The following USP49 variants were observed in gnomAD, a reference collection of about 807,000 sequenced individuals.
USP49 encodes the protein ubiquitin specific peptidase 49, also known as ubiquitin carboxyl-terminal hydrolase 49.
In USP49, 24 loss-of-function variants were observed where a neutral mutation model predicts 58.6. The observed-to-expected ratio is 0.41, with a 90% CI of 0.30 to 0.58. The LOEUF (loss-of-function observed/expected upper bound fraction) is 0.58, where lower values mean the gene tolerates loss of function less well. Ranked by LOEUF, USP49 falls within the 20% of genes least tolerant of loss-of-function variation. USP49 has a pLI of 0.30. For missense variants in USP49, 703 were observed against 866.1 expected (o/e 0.81, Z 2.36); for synonymous variants, 408 against 365.1 (o/e 1.12, Z -1.34).
At position 41,803,429 on chromosome 6, in the gene USP49, G is replaced by A. The variant is rs771488383; in HGVS notation, c.1561+377C>T. Among the ~76,000 whole-genome samples the A allele has an allele frequency of 1.3e-5, 2 of 152,142 alleles. No homozygotes were observed. Among genetic ancestry groups the A allele is most frequent in the Non-Finnish European group, 2.9e-5 (2 of 68,030 alleles). The stretch of plus-strand genomic sequence containing the variant: ...ACCGATTCTCCTGCCTCAGCCTCCC[G>A]AGTAGCTGGGATTACAGGCATCTGC... On this transcript the variant is annotated intron_variant, in intron 5 of 7. Coordinates refer to ENST00000682992, the MANE Select transcript of USP49 (RefSeq NM_001286554.2). The surrounding 1 kb of genome is among the most constrained non-coding windows in gnomAD (Gnocchi z 4.1).
intron 2 of USP49, among the ~76,000 whole-genome samples, chr6:41,891,199 G>A (rs1774805254): frequency 6.6e-6 from 1 of 152,194 alleles, no homozygotes; most frequent in Non-Finnish European, 1.5e-5. Context: ...GCAAGCCAGA[G>A]GCAAAACCAG....
chr6:41,848,445 C>T (rs1773961977), intron 3 of USP49, among the ~76,000 whole-genome samples: 1 of 152,044 alleles, frequency 6.6e-6, no homozygotes, highest in Non-Finnish European at 1.5e-5. Context: ...TGGTTCAGTG[C>T]AGCCTCGACC....
intron 3 of USP49, among the ~76,000 whole-genome samples, chr6:41,821,943 C>T (rs1317125551): frequency 1.3e-5 from 2 of 152,094 alleles, no homozygotes; most frequent in Non-Finnish European, 2.9e-5. Context: ...GCTGGTTTTA[C>T]GAAGCAAAAT....
At chr6:41,889,350 C>T (rs1468543426) in intron 2 of USP49, among the ~76,000 whole-genome samples, 8 of 152,096 alleles carry the variant, frequency 5.3e-5, no homozygotes, top group Admixed American at 5.2e-4. Flanking sequence ...ATTCTTAAAG[C>T]AATACATTTT....
chr6:41,834,070 G>GT (rs1773683617), intron 3 of USP49, among the ~76,000 whole-genome samples: 1 of 152,142 alleles, frequency 6.6e-6, no homozygotes, highest in Non-Finnish European at 1.5e-5. Flanking sequence ...CCCATCACTA[G>GT]GAAGAAATCA....
chr6:41,799,337 G>A (rs1216120922), intron 6 of USP49, among the ~76,000 whole-genome samples: 2 of 152,032 alleles, frequency 1.3e-5, no homozygotes, highest in Non-Finnish European at 2.9e-5. Flanking sequence ...AAACTCCTGA[G>A]CTCAAGCAAT....
At chr6:41,808,243 G>GA (rs548809092) in intron 3 of USP49, among the ~76,000 whole-genome samples, 166 of 150,728 alleles carry the variant, frequency 1.1e-3, no homozygotes, top group African/African-American at 3.6e-3. Flanking sequence ...CGAAACAAAA[G>GA]AAAAAAAAGC....
At chr6:41,872,828 C>G (rs1188651916) in intron 2 of USP49, 2 of 151,112 alleles carry the variant, frequency 1.3e-5, no homozygotes, top group Non-Finnish European at 2.9e-5. Context: ...ATGGCGTGAA[C>G]CCGGGAGACG....
intron 2 of USP49, among the ~76,000 whole-genome samples, chr6:41,872,227 A>G (rs975193500): frequency 1.3e-5 from 2 of 152,266 alleles, no homozygotes; most frequent in Non-Finnish European, 2.9e-5. Flanking sequence ...ACACATTATC[A>G]GGAAGTAGGA....
Position 41,806,405 on chromosome 6 carries a change from T to TTTCACCTCGCGCCGCCGC in USP49, c.561_578dup (p.Arg190_Arg195dup), listed in dbSNP as rs759132544. ...TGGCCAGCTCCTCCAGCAGCCGCCG[T>TTTCACCTCGCGCCGCCGC]TTCACCTCGCGCCGCCGCCTCCGCG... On this transcript the variant is annotated inframe_insertion, in exon 4 of 8. Coordinates refer to ENST00000682992, the MANE Select transcript of USP49 (RefSeq NM_001286554.2). The surrounding 1 kb of genome is among the most constrained non-coding windows in gnomAD (Gnocchi z 5.9). 4 of 1,563,976 alleles carry TTTCACCTCGCGCCGCCGC rather than the reference T, an allele frequency of 2.6e-6. No individual in the cohort carries two copies. The highest frequency in any genetic ancestry group is 3.4e-6 in the Non-Finnish European group (4 of 1,163,624).
chr6:41,852,666 A>T (rs927197552), intron 3 of USP49, among the ~76,000 whole-genome samples: 4 of 152,214 alleles, frequency 2.6e-5, no homozygotes, highest in Non-Finnish European at 4.4e-5. Context: ...CAATATACAG[A>T]TTCGATGCAA....
intron 2 of USP49, among the ~76,000 whole-genome samples, chr6:41,889,528 G>A (rs999178676): frequency 6.6e-6 from 1 of 152,106 alleles, no homozygotes; most frequent in South Asian, 2.1e-4. Context: ...ATCCATGCAT[G>A]AGCACACCAT....
At chr6:41,845,063 G>A (rs935440392) in intron 3 of USP49, among the ~76,000 whole-genome samples, 2 of 152,094 alleles carry the variant, frequency 1.3e-5, no homozygotes, top group South Asian at 4.2e-4. Flanking sequence ...ACTACGCCCG[G>A]CTAATTTTTG....
chr6:41,802,448 A>ATTTTTTTTTTTTTTTTTTTTTTT (rs1363216201), intron 5 of USP49, among the ~76,000 whole-genome samples: 3 of 53,336 alleles, frequency 5.6e-5, no homozygotes, highest in Non-Finnish European at 1.1e-4. Flanking sequence ...TTATTTATTT[A>ATTTTTTTTTTTTTTTTTTTTTTT]TTTATTTATT....
rs138922723 is a variant in USP49, at chr6:41,887,566, G to C, written c.-103+4228C>G. Among the ~76,000 whole-genome samples the C allele has an allele frequency of 1.9e-4, 29 of 152,278 alleles. 1 individual carries two copies. In the East Asian group the frequency reaches 5.6e-3, roughly 29 times the overall value. ...ACATTCCTATTTGAATGAGGGTAGG[G>C]AATAATGGAGTGGGGCAAAGACATA... On this transcript the variant is annotated intron_variant, in intron 2 of 7. Coordinates refer to ENST00000682992, the MANE Select transcript of USP49 (RefSeq NM_001286554.2).
At position 41,796,328 on chromosome 6, in the gene USP49, T is replaced by A. The variant is rs981466309; in HGVS notation, c.*205A>T. ...CTTCATAGAAGTTACTTCTTTTGTT[T>A]TTAGGAAAGGAGGGAACTCCCAAAC... is the stretch of plus-strand genomic sequence containing the variant. On this transcript the variant is annotated 3_prime_UTR_variant, in exon 8 of 8. Transcript: ENST00000682992. The A allele has an allele frequency of 2.0e-6, 1 of 500,882 alleles. No homozygotes were observed. Among genetic ancestry groups the A allele is most frequent in the African/African-American group, 1.9e-5 (1 of 52,858 alleles). The allele number at this position is 500,882 out of a possible 1,614,324, so 31.0% of individuals were successfully genotyped here.
At chr6:41,887,490 A>G (rs1774733273) in intron 2 of USP49, among the ~76,000 whole-genome samples, 1 of 152,260 alleles carries the variant, frequency 6.6e-6, no homozygotes, top group Non-Finnish European at 1.5e-5. Flanking sequence ...CAGGATAGAA[A>G]ACAATCCAAA....
At chr6:41,826,707 T>G (rs1773544298) in intron 3 of USP49, among the ~76,000 whole-genome samples, 1 of 150,708 alleles carries the variant, frequency 6.6e-6, no homozygotes, top group Non-Finnish European at 1.5e-5. Context: ...AACCCTGAGG[T>G]TTGAGTGACT....
At chr6:41,832,667 A>G (rs1773655495) in intron 3 of USP49, among the ~76,000 whole-genome samples, 1 of 152,202 alleles carries the variant, frequency 6.6e-6, no homozygotes, top group South Asian at 2.1e-4. Flanking sequence ...ATTTTTGGCA[A>G]GCACTTTATC....
Sources: allele counts gnomAD v4.1 joint callset (sites outside exome capture counted in the v4.1 genomes callset), GRCh38; gene constraint gnomAD v4.1.1; non-coding constraint Gnocchi (gnomAD v3.1); transcripts MANE v1.5; gene names NCBI Gene and HGNC (gene_info 2026-07-23, HGNC 2026-07-21).